The following EPB41L3 variants were observed in gnomAD, a reference collection of about 807,000 sequenced individuals.
EPB41L3 encodes erythrocyte membrane protein band 4.1 like 3.
In EPB41L3, 57 loss-of-function variants were observed where a neutral mutation model predicts 127.1. The observed-to-expected ratio is 0.45, with a 90% CI of 0.36 to 0.56. The LOEUF (loss-of-function observed/expected upper bound fraction) is 0.56. Among genes scored for constraint, EPB41L3 ranks in the 20% least tolerant of loss-of-function variants. EPB41L3 has a pLI of 0.00. For missense variants in EPB41L3, 1,273 were observed against 1,372.2 expected (o/e 0.93, Z 1.14); for synonymous variants, 572 against 549.5 (o/e 1.04, Z -0.57).
rs182974643 is a variant in EPB41L3, at chr18:5,458,037, T to A, written c.382-12793A>T. The stretch of plus-strand genomic sequence containing the variant: ...CGGGCATCGAGCAGAAACATTTTTT[T>A]AAAAATATCAAAGAAAATCAAGCTA... On this transcript the variant is annotated intron_variant, in intron 3 of 22. Coordinates refer to ENST00000341928, the MANE Select transcript of EPB41L3 (RefSeq NM_012307.5). 3.5e-4 allele frequency among the ~76,000 whole-genome samples: 53 copies of A among 152,282 alleles called. 1 individual carries two copies. The South Asian group carries it at 3.9e-3, about 11-fold the overall frequency.
intron 12 of EPB41L3, among the ~76,000 whole-genome samples, chr18:5,417,619 C>T (rs1458934732): frequency 1.3e-5 from 2 of 152,144 alleles, no homozygotes; most frequent in Non-Finnish European, 2.9e-5. Context: ...GTTATGCAAT[C>T]CTGACTTGGG....
intron 1 of EPB41L3, among the ~76,000 whole-genome samples, chr18:5,514,270 C>T (rs774863359): frequency 6.6e-6 from 1 of 152,176 alleles, no homozygotes; most frequent in African/African-American, 2.4e-5. Flanking sequence ...CTTCCCTTCA[C>T]AGGATAAAGC....
chr18:5,545,204 T>G (rs2093856171), upstream of EPB41L3, among the ~76,000 whole-genome samples: 1 of 152,172 alleles, frequency 6.6e-6, no homozygotes, highest in African/African-American at 2.4e-5. Flanking sequence ...ATGTTGTACG[T>G]TATTAATTTT....
In EPB41L3 at chr18:5,419,811, G is replaced by C; in HGVS notation, c.1406C>G (p.Thr469Ser). 6.2e-7 allele frequency: 1 copy of C among 1,614,198 alleles called. No individual in the cohort carries two copies. The highest frequency in any genetic ancestry group is 8.5e-7 in the Non-Finnish European group (1 of 1,180,036). ...CTCCTCCTCAGCCTTCTTCTCCGGA[G>C]TCACAGTGGTGATCAAGTTGGTCTG... ...ISQTNLITTV[T>S]PEKKAEEERD... Residue 469 changes from threonine (T) to serine (S), a missense_variant, in exon 12 of 23, where the codon ACT (threonine) becomes AGT (serine). This residue lies in a region of EPB41L3 where 765 missense variants were observed against 782.9 expected (regional missense o/e 0.98). Transcript: ENST00000341928.
intron 3 of EPB41L3, among the ~76,000 whole-genome samples, chr18:5,595,038 G>A (rs1365286394): frequency 3.3e-5 from 5 of 152,164 alleles, no homozygotes; most frequent in Admixed American, 2.0e-4. Context: ...TGTATTCATT[G>A]TTAGATCTCT....
intron 1 of EPB41L3, among the ~76,000 whole-genome samples, chr18:5,531,445 G>A (rs1174979997): frequency 6.6e-6 from 1 of 152,074 alleles, no homozygotes; most frequent in Non-Finnish European, 1.5e-5. Context: ...ACTATAGGTT[G>A]GGCACAGTGG....
At chr18:5,437,744 A>G (rs1284909237) in intron 6 of EPB41L3, among the ~76,000 whole-genome samples, 1 of 152,220 alleles carries the variant, frequency 6.6e-6, no homozygotes, top group Non-Finnish European at 1.5e-5. Flanking sequence ...TACAAGGCTG[A>G]ATTCCATCCA....
At chr18:5,484,203 TAC>T (rs1238730581) in intron 2 of EPB41L3, among the ~76,000 whole-genome samples, 1 of 84,570 alleles carries the variant, frequency 1.2e-5, no homozygotes, top group East Asian at 3.7e-4. Context: ...CCTCAGAAAA[TAC>T]ACAAACACAT....
At chr18:5,512,780 C>T (rs549723805) in intron 1 of EPB41L3, among the ~76,000 whole-genome samples, 4 of 152,076 alleles carry the variant, frequency 2.6e-5, no homozygotes, top group African/African-American at 9.7e-5. Context: ...AGTTCCAGCT[C>T]CTACCATAAG....
At chr18:5,547,490 T>C (rs1296800476), upstream of EPB41L3, among the ~76,000 whole-genome samples, 2 of 152,182 alleles carry the variant, frequency 1.3e-5, no homozygotes, top group Admixed American at 1.3e-4. Context: ...ATTCCATGAC[T>C]CTAGCCTAGG....
intron 3 of EPB41L3, among the ~76,000 whole-genome samples, chr18:5,559,508 C>T (rs1568571948): frequency 6.6e-6 from 1 of 152,144 alleles, no homozygotes; most frequent in African/African-American, 2.4e-5. Flanking sequence ...AATGGAAACA[C>T]TATAGTTTGT....
At chr18:5,553,648 G>T (rs527477426) in intron 3 of EPB41L3, among the ~76,000 whole-genome samples, 1 of 152,194 alleles carries the variant, frequency 6.6e-6, no homozygotes, top group East Asian at 1.9e-4. Flanking sequence ...AGTAGATCCC[G>T]CTGGCTCTAC....
chr18:5,396,780 A>G (rs112315618), intron 18 of EPB41L3, among the ~76,000 whole-genome samples: 167 of 152,290 alleles, frequency 1.1e-3, no homozygotes, highest in African/African-American at 3.8e-3. Context: ...TGCATTTCCC[A>G]ATTTTACTGC....
At chr18:5,428,290 C>G in intron 9 of EPB41L3, 23 bp downstream of exon 9, 2 of 1,611,646 alleles carry the variant, frequency 1.2e-6, no homozygotes, top group South Asian at 2.2e-5. Flanking sequence ...TCCCAACGCA[C>G]AGGCAAATGT....
chr18:5,580,274 CAGAT>C (rs1316140717), intron 3 of EPB41L3, among the ~76,000 whole-genome samples: 1 of 152,056 alleles, frequency 6.6e-6, no homozygotes, highest in Non-Finnish European at 1.5e-5. Flanking sequence ...CTTATACACA[CAGAT>C]ACACACTCAA....
intron 2 of EPB41L3, among the ~76,000 whole-genome samples, chr18:5,484,137 A>G (rs571149199): frequency 4.1e-4 from 60 of 144,940 alleles, no homozygotes; most frequent in African/African-American, 1.4e-3. Context: ...AAAAAAAATC[A>G]TATCAAGTAT....
chr18:5,505,282 C>T (rs758527509), intron 1 of EPB41L3, among the ~76,000 whole-genome samples: 8 of 152,240 alleles, frequency 5.3e-5, no homozygotes, highest in Admixed American at 6.5e-5. Context: ...CAGAGTCTGA[C>T]GCCAAAGAAA....
chr18:5,537,332 AT>A (rs2093603866), intron 1 of EPB41L3, among the ~76,000 whole-genome samples: 1 of 152,148 alleles, frequency 6.6e-6, no homozygotes, highest in Non-Finnish European at 1.5e-5. Flanking sequence ...CGTATATCTC[AT>A]TTTCTACCTT....
intron 8 of EPB41L3, chr18:5,431,327 A>T (rs145861033): frequency 5.2e-4 from 79 of 152,322 alleles, no homozygotes; most frequent in African/African-American, 1.8e-3. Context: ...CTCGCTCATA[A>T]CCGGAGATTA....
Sources: gnomAD v4.1 joint callset for allele counts (sites outside exome capture counted in the v4.1 genomes callset) on GRCh38, gnomAD v4.1.1 for gene constraint, gnomAD v4.1.1 regional missense constraint, MANE v1.5 for transcripts, NCBI Gene and HGNC (gene_info 2026-07-23, HGNC 2026-07-21) for gene names.